The following NCOR1 variants were observed in gnomAD, a reference collection of about 807,000 sequenced individuals.
NCOR1 encodes nuclear receptor corepressor 1, also known as protein phosphatase 1, regulatory subunit 109.
Under a neutral mutation model 288.1 loss-of-function variants are expected in NCOR1, and 63 were observed. The ratio of observed to expected loss-of-function variants is 0.22; its 90% CI spans 0.18 to 0.27. The LOEUF (loss-of-function observed/expected upper bound fraction) is 0.27, where lower values mean the gene tolerates loss of function less well. Among genes scored for constraint, NCOR1 ranks in the 10% least tolerant of loss-of-function variants. The pLI is 1.00. For synonymous variants in NCOR1, 1,007 were observed against 1,065.9 expected, an observed-to-expected ratio of 0.94 and a Z score of 1.08; for missense variants, 2,397 against 3,019.2, an observed-to-expected ratio of 0.79 and a Z score of 4.83.
chr17:16,127,561 ATATG>A lies in NCOR1; in HGVS notation c.1510-1359_1510-1356del, dbSNP rs748098368. Among the ~76,000 whole-genome samples, 90 of 141,420 alleles carry A rather than the reference ATATG, an allele frequency of 6.4e-4. 3 individuals are homozygous for A. Among genetic ancestry groups the A allele is most frequent in the Non-Finnish European group, 9.7e-4 (64 of 65,924 alleles). The allele number at this position is 141,420 out of a possible 152,430, so 92.8% of individuals were successfully genotyped here. ...TGCATGTATATATACACATGTGTAT[ATATG>A]TATGTATATATACATATGTGTATAT... On this transcript the variant is annotated intron_variant, in intron 14 of 45. Coordinates refer to ENST00000268712, the MANE Select transcript of NCOR1 (RefSeq NM_006311.4).
chr17:16,154,694 G>A (rs941552120), intron 6 of NCOR1, among the ~76,000 whole-genome samples: 5 of 152,174 alleles, frequency 3.3e-5, no homozygotes, highest in African/African-American at 1.2e-4. Context: ...CGGCTATTCT[G>A]TATAAAGTGG....
intron 20 of NCOR1, 126 bp from the exon 21 acceptor site, chr17:16,098,622 TA>T: frequency 1.4e-6 from 1 of 705,804 alleles, no homozygotes; most frequent in East Asian, 3.0e-5. Flanking sequence ...GACACACATA[TA>T]TTAACCCATA....
intron 6 of NCOR1, among the ~76,000 whole-genome samples, chr17:16,156,179 T>C (rs963736751): frequency 6.6e-6 from 1 of 152,100 alleles, no homozygotes; most frequent in African/African-American, 2.4e-5. Flanking sequence ...CTGACGCCTG[T>C]AATCCCAACA....
chr17:16,129,562 A>G (rs778251561), intron 14 of NCOR1, among the ~76,000 whole-genome samples: 10 of 152,188 alleles, frequency 6.6e-5, no homozygotes, highest in Non-Finnish European at 1.3e-4. Context: ...GGTCTGCTTT[A>G]TAATTGGGCA....
chr17:16,048,382 G>A (rs2058918213), intron 41 of NCOR1, among the ~76,000 whole-genome samples: 1 of 152,176 alleles, frequency 6.6e-6, no homozygotes, highest in South Asian at 2.1e-4. Flanking sequence ...TCACTCAGGT[G>A]GAGGTATGGA....
intron 40 of NCOR1, among the ~76,000 whole-genome samples, chr17:16,053,549 A>G (rs2059558804): frequency 1.3e-5 from 2 of 152,200 alleles, no homozygotes; most frequent in Non-Finnish European, 2.9e-5. Flanking sequence ...AGATGAAAAG[A>G]TAAAAAATGA....
intron 40 of NCOR1, among the ~76,000 whole-genome samples, chr17:16,051,230 C>A (rs145275347): frequency 1.4e-4 from 21 of 152,252 alleles, no homozygotes; most frequent in African/African-American, 4.3e-4. Flanking sequence ...AGCACACATA[C>A]CCTTACTTCT....
In NCOR1 at chr17:16,068,715, AT is replaced by A. The variant is rs11438641; in HGVS notation, c.4514-595del. Among the ~76,000 whole-genome samples, 569 of 135,224 alleles carry A rather than the reference AT, an allele frequency of 4.2e-3. 3 individuals carry two copies. The highest frequency in any genetic ancestry group is 0.011 in the African/African-American group (412 of 36,262). The allele number at this position is 135,224 out of a possible 152,430, so 88.7% of individuals were successfully genotyped here. On this transcript the variant is annotated intron_variant, in intron 31 of 45. Coordinates refer to ENST00000268712, the MANE Select transcript of NCOR1 (RefSeq NM_006311.4). ...AAACACTTATTAGCCATCATCCTCA[AT>A]TTTTTTTTTTTTTTTTTGAGATAGA...
intron 1 of NCOR1, among the ~76,000 whole-genome samples, chr17:16,204,455 G>T (rs78820469): frequency 6.6e-6 from 1 of 152,058 alleles, no homozygotes; most frequent in Non-Finnish European, 1.5e-5. Context: ...ATACAAAAAG[G>T]CATGCAGTTA....
intron 15 of NCOR1, 147 bp downstream of exon 15, chr17:16,125,935 C>T: frequency 2.2e-6 from 1 of 456,434 alleles, no homozygotes; most frequent in Non-Finnish European, 3.8e-6. Context: ...GTATAATGTA[C>T]ACTATTTGGG....
chr17:16,034,407 A>T (rs1973563966), intron 45 of NCOR1, among the ~76,000 whole-genome samples: 1 of 152,148 alleles, frequency 6.6e-6, no homozygotes, highest in Non-Finnish European at 1.5e-5. Context: ...TGGGCAACGT[A>T]GTGAGACCTT....
At position 16,031,900 on chromosome 17, in the gene NCOR1, G is replaced by A. The variant is rs971876924; in HGVS notation, c.*396C>T. 18 of 237,378 alleles carry A rather than the reference G, an allele frequency of 7.6e-5. No individual in the cohort carries two copies. The highest frequency in any genetic ancestry group is 1.2e-3 in the Middle Eastern group (1 of 808). 14.7% of individuals were successfully genotyped at this position (237,378 alleles called of 1,614,324 possible). On this transcript the variant is annotated 3_prime_UTR_variant, in exon 46 of 46. Coordinates refer to ENST00000268712, the MANE Select transcript of NCOR1 (RefSeq NM_006311.4). ...TAAAAATCACCCCCAAAGTTGATGC[G>A]CTGATTTGAACATAAGTACACCAGA...
chr17:16,189,350 T>C (rs376449957), intron 2 of NCOR1, among the ~76,000 whole-genome samples: 1 of 151,968 alleles, frequency 6.6e-6, no homozygotes, highest in South Asian at 2.1e-4. Flanking sequence ...GCCAAGATTG[T>C]GCCACTGTAC....
At chr17:16,124,940 T>C (rs2073738622) in intron 15 of NCOR1, among the ~76,000 whole-genome samples, 1 of 152,228 alleles carries the variant, frequency 6.6e-6, no homozygotes, top group Non-Finnish European at 1.5e-5. Flanking sequence ...TATATATTAC[T>C]ATAACCCATC....
At chr17:16,136,312 T>C (rs902327955) in intron 14 of NCOR1, among the ~76,000 whole-genome samples, 3 of 152,056 alleles carry the variant, frequency 2.0e-5, no homozygotes, top group South Asian at 2.1e-4. Flanking sequence ...CAGCCTCCCA[T>C]GTATCTAGGA....
In NCOR1 at chr17:16,064,954, G is replaced by A. The variant is rs2060957829; in HGVS notation, c.5017C>T (p.Pro1673Ser). 6.2e-7 allele frequency: 1 copy of A among 1,613,766 alleles called. No individual in the cohort carries two copies. Among genetic ancestry groups the A allele is most frequent in the Admixed American group, 1.7e-5 (1 of 60,024 alleles). The change falls in exon 34 of 46, where the codon CCT becomes TCT. Residue 1673 changes from proline (P) to serine (S), a missense_variant. By Grantham distance (74) the Pro-to-Ser change is moderately conservative. Transcript: ENST00000268712. ...LVPHPGGTST[P>S]PMDRITYIPG... ...ATATAAGTGATTCTGTCCATGGGAGGAGTGCTTGTTCCCCCTGGATGAGGC... is the reference window on the plus strand; with the variant it reads ...ATATAAGTGATTCTGTCCATGGGAGAAGTGCTTGTTCCCCCTGGATGAGGC...
At chr17:16,192,171 C>A (rs1231696050) in intron 2 of NCOR1, 6 of 151,046 alleles carry the variant, frequency 4.0e-5, no homozygotes, top group African/African-American at 1.2e-4. Context: ...AAAAAAAAAC[C>A]CATACCCAAA....
intron 3 of NCOR1, among the ~76,000 whole-genome samples, chr17:16,180,002 A>C (rs958404382): frequency 6.6e-6 from 1 of 152,132 alleles, no homozygotes; most frequent in African/African-American, 2.4e-5. Flanking sequence ...AAATATTAAC[A>C]AACTGAATTC....
chr17:16,101,201 C>A, intron 20 of NCOR1, 49 bp downstream of exon 20: 2 of 1,520,050 alleles, frequency 1.3e-6, no homozygotes, highest in South Asian at 1.3e-5. Flanking sequence ...GTGATTCAGT[C>A]ACCAACCAGC....
Sources: allele counts gnomAD v4.1 joint callset (sites outside exome capture counted in the v4.1 genomes callset), GRCh38; gene constraint gnomAD v4.1.1; transcripts MANE v1.5; gene names NCBI Gene and HGNC (gene_info 2026-07-23, HGNC 2026-07-21).